The following SLCO3A1 variants were observed in gnomAD, a reference collection of about 807,000 sequenced individuals.
SLCO3A1 encodes solute carrier organic anion transporter family member 3A1.
Under a neutral mutation model 63.1 loss-of-function variants are expected in SLCO3A1, and 27 were observed. The observed-to-expected ratio is 0.43, with a 90% CI of 0.32 to 0.59. The LOEUF (loss-of-function observed/expected upper bound fraction) is 0.59. Ranked by LOEUF, SLCO3A1 falls within the 20% of genes least tolerant of loss-of-function variation. The pLI is 0.09. For missense variants in SLCO3A1, 773 were observed against 945.8 expected (o/e 0.82, Z 2.40); for synonymous variants, 473 against 409.9 (o/e 1.15, Z -1.86).
At chr15:92,117,069 C>T (rs779128076) in intron 4 of SLCO3A1, among the ~76,000 whole-genome samples, 2 of 152,172 alleles carry the variant, frequency 1.3e-5, no homozygotes, top group Non-Finnish European at 2.9e-5. Flanking sequence ...GAATCCTTCC[C>T]GCTGAAGTGG....
At chr15:92,050,657 C>T (rs554968361) in intron 2 of SLCO3A1, among the ~76,000 whole-genome samples, 1 of 152,330 alleles carries the variant, frequency 6.6e-6, no homozygotes, top group East Asian at 1.9e-4. Context: ...TACCACCAAC[C>T]ATATCATGTG....
intron 5 of SLCO3A1, among the ~76,000 whole-genome samples, chr15:92,123,578 A>G (rs1387354231): frequency 6.6e-6 from 1 of 152,118 alleles, no homozygotes; most frequent in Non-Finnish European, 1.5e-5. Context: ...TACCTCCAAG[A>G]GGTATTGGCA....
intron 9 of SLCO3A1, chr15:92,162,509 C>T: frequency 1.9e-6 from 1 of 525,332 alleles, no homozygotes; most frequent in Non-Finnish European, 3.3e-6. Context: ...GTAGTATTAT[C>T]ATCATCCCCA....
intron 2 of SLCO3A1, among the ~76,000 whole-genome samples, chr15:91,955,618 C>A (rs1055448283): frequency 6.6e-6 from 1 of 152,238 alleles, no homozygotes; most frequent in East Asian, 1.9e-4. Context: ...AGGCACGAGC[C>A]ACTGCACCCA....
rs1179885971 is a variant in SLCO3A1, at chr15:92,164,043, A to AAAAT, written c.*910_*913dup. The AAAAT allele has an allele frequency of 3.0e-6, 3 of 984,796 alleles. No individual in the cohort carries two copies. Among genetic ancestry groups the AAAAT allele is most frequent in the Non-Finnish European group, 3.6e-6 (3 of 829,438 alleles). The allele number at this position is 984,796 out of a possible 1,614,324, so 61.0% of individuals were successfully genotyped here. On this transcript the variant is annotated 3_prime_UTR_variant, in exon 10 of 10. Coordinates refer to ENST00000318445, the MANE Select transcript of SLCO3A1 (RefSeq NM_013272.4). The stretch of plus-strand genomic sequence containing the variant: ...AACATTTTGCCATTTTTAAAAGAAA[A>AAAAT]AAATACAATCCATATGAATTTCAAA...
chr15:91,922,930 G>A (rs1898897389), intron 2 of SLCO3A1, among the ~76,000 whole-genome samples: 1 of 152,164 alleles, frequency 6.6e-6, no homozygotes, highest in South Asian at 2.1e-4. Flanking sequence ...TATTGCCTGG[G>A]CTGATAGGTG....
chr15:92,006,395 T>C (rs1265070303), intron 2 of SLCO3A1, among the ~76,000 whole-genome samples: 1 of 152,226 alleles, frequency 6.6e-6, no homozygotes, highest in Admixed American at 6.5e-5. Flanking sequence ...TACTGGACTT[T>C]GGTACAGCTA....
At chr15:92,086,999 G>GAAA (rs2047412961) in intron 2 of SLCO3A1, among the ~76,000 whole-genome samples, 2 of 149,560 alleles carry the variant, frequency 1.3e-5, no homozygotes, top group Admixed American at 6.6e-5. Context: ...AAAAAAAAAG[G>GAAA]AATATTTCTC....
chr15:92,140,088 C>T (rs1249081061), intron 7 of SLCO3A1, among the ~76,000 whole-genome samples: 3 of 100,856 alleles, frequency 3.0e-5, no homozygotes, highest in Admixed American at 1.1e-4. Context: ...AATTTTGGAT[C>T]TTTCCTGCTT....
chr15:92,024,750 C>T (rs2046550404), intron 2 of SLCO3A1, among the ~76,000 whole-genome samples: 1 of 152,160 alleles, frequency 6.6e-6, no homozygotes, highest in South Asian at 2.1e-4. Flanking sequence ...TAATGTTTTA[C>T]AAAAGTAGGC....
intron 2 of SLCO3A1, among the ~76,000 whole-genome samples, chr15:92,015,729 A>G (rs1479924854): frequency 1.3e-5 from 2 of 152,128 alleles, no homozygotes; most frequent in Non-Finnish European, 2.9e-5. Flanking sequence ...TGTTGTGGGC[A>G]TTGCCCAAGC....
chr15:91,872,605 G>C lies in SLCO3A1; in HGVS notation c.180+18517G>C. Among the ~76,000 whole-genome samples the C allele has an allele frequency of 6.6e-6, 1 of 152,058 alleles. No individual in the cohort carries two copies. The highest frequency in any genetic ancestry group is 1.9e-4 in the East Asian group (1 of 5,188). On this transcript the variant is annotated intron_variant, in intron 1 of 9. Coordinates refer to ENST00000318445, the MANE Select transcript of SLCO3A1 (RefSeq NM_013272.4). This position sits in a 1 kb window ranked among gnomAD's most constrained non-coding sequence, Gnocchi z 4.1. ...GCCCAAGTTGGCACAGCTAGTGTTTGATCTTGAGTCTCTTGGTTCCAGCTC... is the reference window on the plus strand; with the variant it reads ...GCCCAAGTTGGCACAGCTAGTGTTTCATCTTGAGTCTCTTGGTTCCAGCTC...
At chr15:92,116,589 A>G (rs1041107747) in intron 4 of SLCO3A1, among the ~76,000 whole-genome samples, 2 of 152,240 alleles carry the variant, frequency 1.3e-5, no homozygotes, top group African/African-American at 4.8e-5. Flanking sequence ...TTGGTTCACC[A>G]GTTTCTGTTT....
At chr15:91,972,130 T>C (rs953888) in intron 2 of SLCO3A1, among the ~76,000 whole-genome samples, 35,038 of 152,020 alleles carry the variant, frequency 0.23, 4,599 homozygotes, top group East Asian at 0.35. Flanking sequence ...GAGAGGGTTT[T>C]ATGTAGAGCT....
chr15:91,983,164 A>G (rs1048914983), intron 2 of SLCO3A1, among the ~76,000 whole-genome samples: 2 of 152,268 alleles, frequency 1.3e-5, no homozygotes, highest in African/African-American at 4.8e-5. Context: ...GTAGTGATCA[A>G]TAACTGAGCA....
At chr15:92,131,027 C>T (rs1455017713) in intron 7 of SLCO3A1, among the ~76,000 whole-genome samples, 4 of 152,130 alleles carry the variant, frequency 2.6e-5, no homozygotes, top group Admixed American at 1.3e-4. Flanking sequence ...CTTCCACCCA[C>T]GGCCTCAACC....
In SLCO3A1 at chr15:92,164,341, G is replaced by A. The variant is rs1008791198; in HGVS notation, c.*1206G>A. The A allele has an allele frequency of 4.1e-6, 4 of 985,262 alleles. No individual in the cohort carries two copies. Among genetic ancestry groups the A allele is most frequent in the Non-Finnish European group, 4.8e-6 (4 of 829,772 alleles). The allele number at this position is 985,262 out of a possible 1,614,324, so 61.0% of individuals were successfully genotyped here. Reference sequence around the variant, plus strand: ...AAAAAAAATGCTTCAAAAAGAGAGTGTATATGCAGCCTGCCTTTAAAAGAA... The same window carrying A: ...AAAAAAAATGCTTCAAAAAGAGAGTATATATGCAGCCTGCCTTTAAAAGAA... On this transcript the variant is annotated 3_prime_UTR_variant, in exon 10 of 10. Transcript: ENST00000318445.
At chr15:92,136,381 G>GAAAC (rs1338267174) in intron 7 of SLCO3A1, among the ~76,000 whole-genome samples, 4 of 152,190 alleles carry the variant, frequency 2.6e-5, no homozygotes, top group Non-Finnish European at 1.5e-5. Context: ...CAGTATTTTT[G>GAAAC]AAACACTGCT....
At position 91,886,563 on chromosome 15, in the gene SLCO3A1, T is replaced by G. The variant is rs548131087; in HGVS notation, c.181-29430T>G. Among the ~76,000 whole-genome samples, 72 of 152,344 alleles carry G rather than the reference T, an allele frequency of 4.7e-4. No individual in the cohort carries two copies. Among genetic ancestry groups the G allele is most frequent in the Middle Eastern group, 3.4e-3 (1 of 294 alleles). On this transcript the variant is annotated intron_variant, in intron 1 of 9. Coordinates refer to ENST00000318445, the MANE Select transcript of SLCO3A1 (RefSeq NM_013272.4). This position sits in a 1 kb window ranked among gnomAD's most constrained non-coding sequence, Gnocchi z 4.9. ...CCAAAGAGAGATGGAAGATTCAGCC[T>G]CAGCGTCAGTGTTGTTTCTACGGTG...
Sources: gnomAD v4.1 joint callset for allele counts (sites outside exome capture counted in the v4.1 genomes callset) on GRCh38, gnomAD v4.1.1 for gene constraint, Gnocchi (gnomAD v3.1) non-coding constraint, MANE v1.5 for transcripts, NCBI Gene and HGNC (gene_info 2026-07-23, HGNC 2026-07-21) for gene names.